Variants in MYO5B observed in about 807,000 individuals in gnomAD.
MYO5B encodes the protein unconventional myosin-Vb.
MYO5B carries 143 observed loss-of-function variants against 229.3 expected under a neutral mutation model. The observed-to-expected ratio is 0.62, with a 90% CI of 0.54 to 0.72. The LOEUF is 0.72. MYO5B is among the 30% of genes least tolerant of loss of function. The pLI is 0.00. For synonymous variants in MYO5B, 918 were observed against 885.2 expected (o/e 1.04, Z -0.66); for missense variants, 2,321 against 2,331.0 (o/e 1.00, Z 0.09).
In MYO5B at chr18:50,195,113, GT is replaced by G. The variant is rs1306448504; in HGVS notation, c.-321del. On this transcript the variant is annotated 5_prime_UTR_variant, in exon 1 of 40. Coordinates refer to ENST00000285039, the MANE Select transcript of MYO5B (RefSeq NM_001080467.3). ...CGGCGAGGAGGGAGGACCCGCTCGCGTCAGAGCGGACGGCCCGTGCGCCGCC... is the reference window on the plus strand; with the variant it reads ...CGGCGAGGAGGGAGGACCCGCTCGCGCAGAGCGGACGGCCCGTGCGCCGCC... 2 of 235,256 alleles carry G rather than the reference GT, an allele frequency of 8.5e-6. No homozygotes were observed. Among genetic ancestry groups the G allele is most frequent in the African/African-American group, 4.6e-5 (2 of 43,852 alleles). The allele number at this position is 235,256 out of a possible 1,614,324, so 14.6% of individuals were successfully genotyped here.
At chr18:50,136,088 C>A (rs1293744594) in intron 1 of MYO5B, among the ~76,000 whole-genome samples, 1 of 152,222 alleles carries the variant, frequency 6.6e-6, no homozygotes, top group African/African-American at 2.4e-5. Context: ...CGGTATCACA[C>A]GTCTGTCACG....
At chr18:49,857,678 C>G (rs1193243894) in intron 29 of MYO5B, among the ~76,000 whole-genome samples, 1 of 152,172 alleles carries the variant, frequency 6.6e-6, no homozygotes, top group East Asian at 1.9e-4. Flanking sequence ...AACTCTTTAC[C>G]CCTCTACATG....
At chr18:50,010,754 A>G (rs924943535) in intron 4 of MYO5B, among the ~76,000 whole-genome samples, 14 of 152,244 alleles carry the variant, frequency 9.2e-5, no homozygotes, top group Non-Finnish European at 2.9e-5. Context: ...ATACACATAT[A>G]GAATGTGTAG....
chr18:50,010,390 A>AC (rs2026149139), intron 4 of MYO5B, among the ~76,000 whole-genome samples: 1 of 152,134 alleles, frequency 6.6e-6, no homozygotes, highest in Admixed American at 6.5e-5. Flanking sequence ...CACCCAGCCC[A>AC]CCCCATCGTG....
intron 39 of MYO5B, among the ~76,000 whole-genome samples, chr18:49,829,025 T>C (rs1159331289): frequency 6.7e-6 from 1 of 148,168 alleles, no homozygotes; most frequent in Non-Finnish European, 1.5e-5. Flanking sequence ...ATGGAAAAAA[T>C]AGAGAACAGA....
At chr18:50,189,545 CAA>C (rs760993377) in intron 1 of MYO5B, among the ~76,000 whole-genome samples, 16 of 152,262 alleles carry the variant, frequency 1.1e-4, no homozygotes, top group East Asian at 3.9e-4. Flanking sequence ...GGAGCTTTGA[CAA>C]AGAGATGGGT....
intron 4 of MYO5B, among the ~76,000 whole-genome samples, chr18:50,033,982 T>C (rs2026419983): frequency 6.6e-6 from 1 of 152,162 alleles, no homozygotes; most frequent in Non-Finnish European, 1.5e-5. Context: ...TCTCCACACC[T>C]ACTCAAAGCA....
rs2144330959 is a variant in MYO5B, at chr18:50,168,897, T to C, written c.27+25870A>G. The stretch of plus-strand genomic sequence containing the variant: ...CAGCATCCCAGAAGCCCCATGCCTG[T>C]GCCCACTTCTAGCCAGAAATGTGTT... On this transcript the variant is annotated intron_variant, in intron 1 of 39. Coordinates refer to ENST00000285039, the MANE Select transcript of MYO5B (RefSeq NM_001080467.3). 1.6e-5 allele frequency among the ~76,000 whole-genome samples: 2 copies of C among 127,462 alleles called. 1 individual carries two copies. The highest frequency in any genetic ancestry group is 5.5e-4 in the South Asian group (2 of 3,646). The allele number at this position is 127,462 out of a possible 152,430, so 83.6% of individuals were successfully genotyped here. A position where few individuals can be genotyped will look rare whatever the true frequency, so the allele number is the denominator to read the frequency against.
At chr18:49,878,432 T>C (rs2024550804) in intron 24 of MYO5B, among the ~76,000 whole-genome samples, 1 of 151,858 alleles carries the variant, frequency 6.6e-6, no homozygotes, top group African/African-American at 2.4e-5. Flanking sequence ...TTTTCTTTCC[T>C]GGCTTCTATG....
intron 1 of MYO5B, among the ~76,000 whole-genome samples, chr18:50,111,143 A>G (rs2031857548): frequency 2.0e-5 from 3 of 152,222 alleles, no homozygotes; most frequent in Admixed American, 6.5e-5. Context: ...ATTAGCTCAA[A>G]GATTACTAGA....
intron 2 of MYO5B, among the ~76,000 whole-genome samples, chr18:50,041,740 T>C (rs569545878): frequency 1.8e-4 from 28 of 152,280 alleles, no homozygotes; most frequent in African/African-American, 4.6e-4. Flanking sequence ...TGAAGAATTA[T>C]GCAAAAGCCA....
At chr18:50,027,597 AG>A (rs1314257132) in intron 4 of MYO5B, among the ~76,000 whole-genome samples, 1 of 152,216 alleles carries the variant, frequency 6.6e-6, no homozygotes, top group East Asian at 1.9e-4. Flanking sequence ...CAGTGTGTGC[AG>A]GTTTTAGCAA....
chr18:49,978,746 A>ACACACAC (rs2025782127), intron 9 of MYO5B, among the ~76,000 whole-genome samples: 1 of 122,282 alleles, frequency 8.2e-6, no homozygotes, highest in Non-Finnish European at 1.8e-5. Context: ...CACACACACA[A>ACACACAC]AATGCTCAGC....
chr18:49,958,685 G>T (rs1404704552), intron 12 of MYO5B, among the ~76,000 whole-genome samples: 1 of 152,060 alleles, frequency 6.6e-6, no homozygotes, highest in Non-Finnish European at 1.5e-5. Context: ...GTTCAAACTC[G>T]CTGTCTCCAC....
chr18:50,059,146 C>A (rs2030624084), intron 1 of MYO5B, among the ~76,000 whole-genome samples: 1 of 152,344 alleles, frequency 6.6e-6, no homozygotes, highest in East Asian at 1.9e-4. Flanking sequence ...TCCCTAGGAT[C>A]TAGCACATCC....
chr18:50,119,297 A>G (rs980685263), intron 1 of MYO5B, among the ~76,000 whole-genome samples: 4 of 152,176 alleles, frequency 2.6e-5, no homozygotes, highest in Non-Finnish European at 5.9e-5. Flanking sequence ...TTAAACATGA[A>G]GCTGAGTAGC....
At position 49,974,782 on chromosome 18, in the gene MYO5B, C is replaced by CACACACACACAG. The variant is rs1555648460; in HGVS notation, c.1057-168_1057-167insCTGTGTGTGTGT. On this transcript the variant is annotated intron_variant, in intron 9 of 39. Coordinates refer to ENST00000285039, the MANE Select transcript of MYO5B (RefSeq NM_001080467.3). Reference sequence around the variant, plus strand: ...GCTGCCAGCCCAGCAGTCTCTCTCACACACACACACACACAGACACACACA... The same window carrying CACACACACACAG: ...GCTGCCAGCCCAGCAGTCTCTCTCACACACACACACAGACACACACACACACAGACACACACA... 9.1e-4 allele frequency among the ~76,000 whole-genome samples: 109 copies of CACACACACACAG among 119,692 alleles called. 1 individual carries two copies. The highest frequency in any genetic ancestry group is 1.4e-3 in the Admixed American group (18 of 12,430). 78.5% of individuals were successfully genotyped at this position (119,692 alleles called of 152,430 possible).
chr18:50,108,642 G>A (rs1027048619), intron 1 of MYO5B, among the ~76,000 whole-genome samples: 4 of 152,116 alleles, frequency 2.6e-5, no homozygotes, highest in African/African-American at 7.2e-5. Flanking sequence ...ATGGACCCCC[G>A]ACAAACATGC....
At chr18:50,133,324 A>G (rs1401887484) in intron 1 of MYO5B, among the ~76,000 whole-genome samples, 1 of 152,248 alleles carries the variant, frequency 6.6e-6, no homozygotes, top group East Asian at 1.9e-4. Flanking sequence ...CAAAGAAGAT[A>G]CTACATCCCA....
Sources: gnomAD v4.1 joint callset for allele counts (sites outside exome capture counted in the v4.1 genomes callset) on GRCh38, gnomAD v4.1.1 for gene constraint, MANE v1.5 for transcripts, NCBI Gene and HGNC (gene_info 2026-07-23, HGNC 2026-07-21) for gene names.